Variants in LGI4 observed in about 807,000 individuals in gnomAD.
LGI4 encodes leucine rich repeat LGI family member 4.
A neutral mutation model predicts 48.3 loss-of-function variants in LGI4; 36 were observed. That is an observed-to-expected ratio of 0.75 (90% confidence interval 0.57 to 0.98). The LOEUF (loss-of-function observed/expected upper bound fraction) is 0.98. Among genes scored for constraint, LGI4 ranks in the 50% least tolerant of loss-of-function variants. The pLI is 0.00. For missense variants in LGI4, 701 were observed against 732.1 expected (o/e 0.96, Z 0.49); for synonymous variants, 355 against 331.6 (o/e 1.07, Z -0.77).
In LGI4 at chr19:35,126,845, G is replaced by A. The variant is rs765142257; in HGVS notation, c.793+8C>T. The A allele has an allele frequency of 3.0e-5, 48 of 1,608,118 alleles. No homozygotes were observed. The highest frequency in any genetic ancestry group is 3.5e-5 in the Non-Finnish European group (41 of 1,178,808). On this transcript the variant is annotated splice_region_variant and intron_variant, in intron 7 of 8. Transcript: ENST00000310123. ...CTGGACAGGCAGAAGGACGGGGAGG[G>A]GGCTCACCGGGCAGCTCTTCCTCGG...
intron 5 of LGI4, 57 bp from the exon 6 acceptor site, chr19:35,131,612 G>A: frequency 6.6e-7 from 1 of 1,516,824 alleles, no homozygotes; most frequent in Non-Finnish European, 8.9e-7. Flanking sequence ...TGGGGGCCAT[G>A]CTCCTGCCCC....
intron 8 of LGI4, 121 bp from the exon 9 acceptor site, chr19:35,125,628 T>A: frequency 2.3e-6 from 2 of 882,154 alleles, no homozygotes; most frequent in Non-Finnish European, 3.6e-6. Flanking sequence ...TTCATAAAAG[T>A]CACCACCCAC....
Position 35,126,677 on chromosome 19 carries a change from T to A in LGI4, c.892A>T (p.Ser298Cys), listed in dbSNP as rs754738030. ...WGGSQLWARP[S>C]PGLRLAPTQT... The stretch of plus-strand genomic sequence containing the variant: ...GTTGGGGCCAGGCGCAGGCCGGGAC[T>A]GGGCCGGGCCCACAGCTGTGAGCCC... Residue 298 changes from serine to cysteine, a missense_variant, in exon 8 of 9, where the codon AGT becomes TGT. By Grantham distance (112) the Ser-to-Cys change is moderately radical. This residue lies in a region of LGI4 where 462 missense variants were observed against 436.4 expected (regional missense o/e 1.06). Coordinates refer to ENST00000310123, the MANE Select transcript of LGI4 (RefSeq NM_139284.3). The A allele has an allele frequency of 7.2e-6, 11 of 1,535,498 alleles. No individual in the cohort carries two copies. The Admixed American group carries it at 7.9e-5, about 11-fold the overall frequency.
At chr19:35,132,503 G>T (rs1265882891) in intron 3 of LGI4, among the ~76,000 whole-genome samples, 1 of 150,800 alleles carries the variant, frequency 6.6e-6, no homozygotes, top group African/African-American at 2.4e-5. Flanking sequence ...CATCTGTAAT[G>T]ACCAACCCAA....
rs752063739 is a variant in LGI4 at position 35,125,478 on chromosome 19, A to G, written c.1329T>C (p.Arg443=). 6.3e-7 allele frequency: 1 copy of G among 1,582,712 alleles called. No homozygotes were observed. Among genetic ancestry groups the G allele is most frequent in the Admixed American group, 1.8e-5 (1 of 56,132 alleles). The change falls in exon 9 of 9, where the codon CGT becomes CGC. Residue 443 remains arginine, a synonymous_variant. Transcript: ENST00000310123. ...CGCGCGAGGGAAGTTGCTGCAGCAG[A>G]CGAAACATGGAGCCGTCCCAGCGCA... ...MVMRWDGSMF[R]LLQQLPSRGA...
At chr19:35,127,407 C>G (rs907186098) in intron 6 of LGI4, among the ~76,000 whole-genome samples, 1 of 152,084 alleles carries the variant, frequency 6.6e-6, no homozygotes, top group Non-Finnish European at 1.5e-5. Flanking sequence ...TCTGGAATTC[C>G]TAGGCTCAAG....
Position 35,133,730 on chromosome 19 carries a change from C to T in LGI4, c.277G>A (p.Asp93Asn). Residue 93 changes from aspartate (D) to asparagine (N), a missense_variant, in exon 3 of 9, where the codon GAC becomes AAC. Coordinates refer to ENST00000310123, the MANE Select transcript of LGI4 (RefSeq NM_139284.3). ...TGGGACAGGCCCGCAAATGCATCGT[C>T]CTCAATCACGGAGAAGGAGTTGGAG... The part of the protein sequence containing the change: ...FTSNSFSVIE[D>N]DAFAGLSHLQ... 1 of 1,609,870 alleles carries T rather than the reference C, an allele frequency of 6.2e-7. No individual in the cohort carries two copies. The highest frequency in any genetic ancestry group is 1.1e-5 in the South Asian group (1 of 89,740).
intron 6 of LGI4, among the ~76,000 whole-genome samples, chr19:35,129,824 T>C (rs192529238): frequency 2.0e-5 from 3 of 151,654 alleles, no homozygotes; most frequent in African/African-American, 7.3e-5. Context: ...CTCTTTGCAG[T>C]TGAGATTAGA....
Position 35,126,452 on chromosome 19 carries a change from C to T in LGI4, c.1117G>A (p.Asp373Asn). The change falls in exon 8 of 9, where the codon GAC (aspartate) becomes AAC (asparagine). Residue 373 changes from aspartate (D) to asparagine (N), a missense_variant. Coordinates refer to ENST00000310123, the MANE Select transcript of LGI4 (RefSeq NM_139284.3). ...RDTDAEALEL[D>N]GRPHLLLASA... ...GCCAGCAGCAGGTGGGGCCGGCCGT[C>T]CAGCTCCAGGGCCTCAGCGTCCGTG... 1 of 1,589,328 alleles carries T rather than the reference C, an allele frequency of 6.3e-7. No individual in the cohort carries two copies.
Position 35,131,931 on chromosome 19 carries a change from G to T in LGI4, c.386+40C>A, listed in dbSNP as rs1292655692. On this transcript the variant is annotated intron_variant, in intron 4 of 8. Coordinates refer to ENST00000310123, the MANE Select transcript of LGI4 (RefSeq NM_139284.3). ...TGTGTTCCCTGGGGGGTGGAGCATG[G>T]GTGCCTCTCATGGAGGGCTGGGGCG... 6 of 1,571,470 alleles carry T rather than the reference G, an allele frequency of 3.8e-6. No individual in the cohort carries two copies. The African/African-American group carries it at 8.1e-5, about 21-fold the overall frequency.
At chr19:35,127,240 A>G (rs2145361098) in intron 6 of LGI4, among the ~76,000 whole-genome samples, 1 of 152,350 alleles carries the variant, frequency 6.6e-6, no homozygotes, top group Non-Finnish European at 1.5e-5. Flanking sequence ...GCTGAAGTGC[A>G]GTGGCACAAT....
rs1458761793 is a variant in LGI4 at position 35,126,870 on chromosome 19, G to T, written c.776C>A (p.Pro259His). The T allele has an allele frequency of 1.2e-6, 2 of 1,612,152 alleles. No individual in the cohort carries two copies. The highest frequency in any genetic ancestry group is 4.5e-5 in the East Asian group (2 of 44,848). ...SWDYSLQRFRPEEELPAASVV... is the reference protein window; with the variant it reads ...SWDYSLQRFRHEEELPAASVV... ...GGGCTCACCGGGCAGCTCTTCCTCG[G>T]GCCGGAAGCGCTGCAGGCTGTAGTC... The change falls in exon 7 of 9, where the codon CCC becomes CAC. Residue 259 changes from proline (P) to histidine (H), a missense_variant. This residue lies in a region of LGI4 where 462 missense variants were observed against 436.4 expected (regional missense o/e 1.06). Transcript: ENST00000310123.
chr19:35,135,014 G>A lies in LGI4; in HGVS notation c.-334C>T. 1 of 291,874 alleles carries A rather than the reference G, an allele frequency of 3.4e-6. No homozygotes were observed. Among genetic ancestry groups the A allele is most frequent in the South Asian group, 5.0e-5 (1 of 19,956 alleles). 18.1% of individuals were successfully genotyped at this position (291,874 alleles called of 1,614,324 possible). On this transcript the variant is annotated 5_prime_UTR_variant, in exon 1 of 9. Transcript: ENST00000310123. ...TCAGTCTTTCAGGCTTTAGGTAGCT[G>A]TCTATCTGTTGGTCTCTATGTGTGT...
intron 6 of LGI4, 102 bp from the exon 7 acceptor site, chr19:35,127,119 A>C (rs2065146006): frequency 8.3e-7 from 1 of 1,207,148 alleles, no homozygotes; most frequent in African/African-American, 1.5e-5. Context: ...CATTCATGGT[A>C]CCCCCCTCAT....
Position 35,131,724 on chromosome 19 carries a change from C to T in LGI4, c.458+65G>A, listed in dbSNP as rs541015444. The T allele has an allele frequency of 1.8e-5, 25 of 1,422,676 alleles. 1 individual carries two copies. The Middle Eastern group carries it at 1.1e-3, about 61-fold the overall frequency. The allele number at this position is 1,422,676 out of a possible 1,614,324, so 88.1% of individuals were successfully genotyped here. On this transcript the variant is annotated intron_variant, in intron 5 of 8. Coordinates refer to ENST00000310123, the MANE Select transcript of LGI4 (RefSeq NM_139284.3). ...CATGCACGCCAACCAGAAGTGGGCA[C>T]GGATGCCCCCCGCCGACACAAACAT...
chr19:35,126,186 G>A (rs760689187), intron 8 of LGI4, 84 bp downstream of exon 8: 2 of 1,446,702 alleles, frequency 1.4e-6, no homozygotes. Flanking sequence ...CGGCATGTGA[G>A]GGTAGGTCAG....
intron 3 of LGI4, chr19:35,133,364 G>C (rs2065188070): frequency 8.7e-7 from 1 of 1,153,220 alleles, no homozygotes; most frequent in African/African-American, 1.6e-5. Context: ...TCTTGTCTCT[G>C]ACTTCTGTAC....
Position 35,131,469 on chromosome 19 carries a change from G to A in LGI4, c.545C>T (p.Thr182Ile), listed in dbSNP as rs1274148271. 6.4e-7 allele frequency: 1 copy of A among 1,551,420 alleles called. No individual in the cohort carries two copies. The highest frequency in any genetic ancestry group is 8.7e-7 in the Non-Finnish European group (1 of 1,147,042). ...WMPTVNASVG[T>I]GACAGPASLS... ...GGAGGCGGGGCCCGCACAGGCGCCG[G>A]TCCCCACGCTGGCATTCACGGTGGG... is the stretch of plus-strand genomic sequence containing the variant. Residue 182 changes from threonine to isoleucine, a missense_variant, in exon 6 of 9, where the codon ACC becomes ATC. By Grantham distance (89) the Thr-to-Ile change is moderately conservative (BLOSUM62 -1). Around this residue, in one of 3 missense-constraint regions of LGI4, gnomAD observed 462 missense variants for 436.4 expected, o/e 1.06. Coordinates refer to ENST00000310123, the MANE Select transcript of LGI4 (RefSeq NM_139284.3).
At chr19:35,131,889 C>G in intron 4 of LGI4, 29 bp from the exon 5 acceptor site, 1 of 1,564,152 alleles carries the variant, frequency 6.4e-7, no homozygotes, top group East Asian at 2.4e-5. Flanking sequence ...GCACCGTCAG[C>G]AGCCACAAGG....
Sources: allele counts gnomAD v4.1 joint callset (sites outside exome capture counted in the v4.1 genomes callset), GRCh38; gene constraint gnomAD v4.1.1; regional missense constraint gnomAD v4.1.1; transcripts MANE v1.5; gene names NCBI Gene and HGNC (gene_info 2026-07-23, HGNC 2026-07-21).